TPRX1: variants seen among roughly 807,000 people sequenced by gnomAD.
The protein encoded by TPRX1 is tetrapeptide repeat homeobox 1.
Under a neutral mutation model 8.1 loss-of-function variants are expected in TPRX1, and 2 were observed. The ratio of observed to expected loss-of-function variants is 0.25; its 90% CI spans 0.10 to 0.78. The LOEUF (loss-of-function observed/expected upper bound fraction) is 0.78, where lower values mean the gene tolerates loss of function less well. TPRX1 is among the 30% of genes least tolerant of loss of function. The pLI is 0.70. For missense variants in TPRX1, 517 were observed against 586.9 expected (o/e 0.88, Z 1.23); for synonymous variants, 257 against 254.1 (o/e 1.01, Z -0.11).
At chr19:47,805,767 G>C (rs1399246270) in intron 2 of TPRX1, among the ~76,000 whole-genome samples, 1 of 152,104 alleles carries the variant, frequency 6.6e-6, no homozygotes, top group African/African-American at 2.4e-5. Flanking sequence ...TTTGCACCAT[G>C]GCTATTTATT....
chr19:47,802,892 C>A (rs1247199772), exon 4 of TPRX1: 2 of 1,578,082 alleles, frequency 1.3e-6, no homozygotes, highest in South Asian at 2.3e-5. Context: ...AGCGCGGGCT[C>A]CTCGGCCTCT....
chr19:47,801,392 T>C (rs1347839698), exon 4 of TPRX1: 1 of 183,080 alleles, frequency 5.5e-6, no homozygotes, highest in Non-Finnish European at 1.1e-5. Flanking sequence ...GGGAAATGGA[T>C]ATTACAACCA....
chr19:47,802,184 G>A, exon 4 of TPRX1: 2 of 1,609,270 alleles, frequency 1.2e-6, no homozygotes, highest in Non-Finnish European at 1.7e-6. Flanking sequence ...GCCTGGGCCT[G>A]GGATCTGGGC....
At chr19:47,814,706 C>T (rs895817477) in intron 2 of TPRX1, among the ~76,000 whole-genome samples, 6 of 152,150 alleles carry the variant, frequency 3.9e-5, no homozygotes, top group African/African-American at 9.7e-5. Flanking sequence ...GGAATCTTTG[C>T]AGAGTCCTGG....
At chr19:47,813,521 G>T (rs1365115931) in intron 2 of TPRX1, among the ~76,000 whole-genome samples, 1 of 152,178 alleles carries the variant, frequency 6.6e-6, no homozygotes, top group Non-Finnish European at 1.5e-5. Context: ...CGAGAGTCAA[G>T]CTGGGAAGAC....
chr19:47,818,377 C>CCCATCCCTCCCTCCAT (rs1967869450), intron 2 of TPRX1: 1 of 336,532 alleles, frequency 3.0e-6, no homozygotes. Flanking sequence ...TCATCCATCA[C>CCCATCCCTCCCTCCAT]CCATCCATCC....
intron 2 of TPRX1, among the ~76,000 whole-genome samples, chr19:47,808,916 T>G (rs552466098): frequency 6.6e-6 from 1 of 152,352 alleles, no homozygotes; most frequent in African/African-American, 2.4e-5. Flanking sequence ...TGTGGCAGCC[T>G]CAGACTATGG....
At chr19:47,802,698 C>T (rs778042751) in exon 4 of TPRX1, 54 of 1,581,832 alleles carry the variant, frequency 3.4e-5, no homozygotes, top group Non-Finnish European at 3.2e-5. Flanking sequence ...TGGGCTGGGC[C>T]TGGGATTGGG....
chr19:47,807,665 A>G (rs1351201462), intron 2 of TPRX1, among the ~76,000 whole-genome samples: 1 of 152,138 alleles, frequency 6.6e-6, no homozygotes, highest in Non-Finnish European at 1.5e-5. Context: ...GAACCATGGC[A>G]CCCAGCCCTG....
chr19:47,815,149 TATATA>T (rs1967826068), intron 2 of TPRX1, among the ~76,000 whole-genome samples: 1 of 79,284 alleles, frequency 1.3e-5, no homozygotes, highest in African/African-American at 5.3e-5. Flanking sequence ...TATATGCAAA[TATATA>T]TATATATATT....
intron 2 of TPRX1, among the ~76,000 whole-genome samples, chr19:47,812,469 C>T (rs1400559960): frequency 6.6e-6 from 1 of 151,988 alleles, no homozygotes; most frequent in Non-Finnish European, 1.5e-5. Flanking sequence ...CATGGTGGCT[C>T]ATGCCTGTAA....
chr19:47,803,025 G>A (rs753424671), intron 3 of TPRX1, 45 bp from the exon 3 acceptor site: 6 of 1,503,392 alleles, frequency 4.0e-6, no homozygotes, highest in East Asian at 2.4e-5. Flanking sequence ...GGAGGGGCTC[G>A]CGCGGCCCAG....
intron 2 of TPRX1, among the ~76,000 whole-genome samples, chr19:47,806,682 C>A (rs1254510998): frequency 6.6e-6 from 1 of 152,096 alleles, no homozygotes; most frequent in Non-Finnish European, 1.5e-5. Flanking sequence ...GTGAAAGACG[C>A]CAGACTCAAA....
rs185759464 is a variant in TPRX1 at position 47,806,632 on chromosome 19, C to T, written c.152-2959G>A. Among the ~76,000 whole-genome samples, 546 of 152,300 alleles carry T rather than the reference C, an allele frequency of 3.6e-3. 4 individuals are homozygous for T. The highest frequency in any genetic ancestry group is 0.012 in the African/African-American group (510 of 41,568). On this transcript the variant is annotated intron_variant, in intron 2 of 3. Transcript: ENST00000535759. ...CATGAAAAGGAATAAAGCTCTGATA[C>T]GTGCTACAACATGGATGAACCTTGC...
chr19:47,803,723 C>G (rs1366372772), intron 2 of TPRX1, 50 bp from the exon 2 acceptor site: 1 of 773,860 alleles, frequency 1.3e-6, no homozygotes, highest in Non-Finnish European at 2.0e-6. Context: ...CAGCCCCCAG[C>G]CCCCCTAGGG....
chr19:47,803,116 G>C lies in TPRX1; in HGVS notation c.322-136C>G. ...CCATCCCCCACCCCACCAAAAGAGG[G>C]CCCCGGCTCCAAGGCCTGGAGAATG... On this transcript the variant is annotated intron_variant, in intron 3 of 3. Transcript: ENST00000535759. The C allele has an allele frequency of 5.0e-6, 4 of 801,906 alleles. No individual in the cohort carries two copies. The South Asian group carries it at 7.1e-5, about 14-fold the overall frequency. 49.7% of individuals were successfully genotyped at this position (801,906 alleles called of 1,614,324 possible). A position where few individuals can be genotyped will look rare whatever the true frequency, so the allele number is the denominator to read the frequency against.
exon 4 of TPRX1, chr19:47,802,668 C>T: frequency 3.2e-6 from 5 of 1,560,952 alleles, no homozygotes; most frequent in Non-Finnish European, 4.3e-6. Context: ...GGAATTGAGC[C>T]AGGGAGTGGG....
At chr19:47,811,801 G>T (rs1247274548) in intron 2 of TPRX1, among the ~76,000 whole-genome samples, 1 of 150,504 alleles carries the variant, frequency 6.6e-6, no homozygotes, top group Non-Finnish European at 1.5e-5. Context: ...CCGGCTAATG[G>T]CAACTTCACA....
At position 47,813,163 on chromosome 19, in the gene TPRX1, C is replaced by T. The variant is rs946051428; in HGVS notation, c.151+5305G>A. ...AATAATAATAAATAAAACAACCCCC[C>T]CCACCCCGCCAAAATTAGCCAGGCG... On this transcript the variant is annotated intron_variant, in intron 2 of 3. Coordinates refer to ENST00000535759, the Ensembl canonical transcript of TPRX1. Among the ~76,000 whole-genome samples, 9 of 136,148 alleles carry T rather than the reference C, an allele frequency of 6.6e-5. 1 individual carries two copies. Among genetic ancestry groups the T allele is most frequent in the Non-Finnish European group, 1.3e-4 (8 of 61,494 alleles). The allele number at this position is 136,148 out of a possible 152,430, so 89.3% of individuals were successfully genotyped here.
Sources: gnomAD v4.1 joint callset for allele counts (sites outside exome capture counted in the v4.1 genomes callset) on GRCh38, gnomAD v4.1.1 for gene constraint, MANE v1.5 for transcripts, NCBI Gene and HGNC (gene_info 2026-07-23, HGNC 2026-07-21) for gene names.